PDE4B: variants seen among roughly 807,000 people sequenced by gnomAD.
PDE4B encodes 3',5'-cyclic-AMP phosphodiesterase 4B.
A neutral mutation model predicts 82.2 loss-of-function variants in PDE4B; 20 were observed. The ratio of observed to expected loss-of-function variants is 0.24; its 90% CI spans 0.17 to 0.35. The LOEUF (loss-of-function observed/expected upper bound fraction) is 0.35. Ranked by LOEUF, PDE4B falls within the 10% of genes least tolerant of loss-of-function variation. The pLI is 1.00. For synonymous variants in PDE4B, 320 were observed against 318.9 expected (o/e 1.00, Z -0.04); for missense variants, 655 against 907.2 (o/e 0.72, Z 3.57).
chr1:66,342,101 A>G (rs1055148514), intron 8 of PDE4B, among the ~76,000 whole-genome samples: 1 of 152,172 alleles, frequency 6.6e-6, no homozygotes, highest in African/African-American at 2.4e-5. Flanking sequence ...TTGCCATAAA[A>G]TTTGGATAAA....
chr1:66,247,981 TCA>T (rs1653459855), intron 4 of PDE4B, among the ~76,000 whole-genome samples: 1 of 152,244 alleles, frequency 6.6e-6, no homozygotes. Context: ...TTTTTATACA[TCA>T]CACTTGAAAT....
chr1:65,984,239 C>T (rs534982333), intron 3 of PDE4B, among the ~76,000 whole-genome samples: 5 of 152,262 alleles, frequency 3.3e-5, no homozygotes, highest in South Asian at 2.1e-4. Context: ...GCAGTTTAAA[C>T]GCTATATGAT....
intron 7 of PDE4B, among the ~76,000 whole-genome samples, chr1:66,277,759 A>G (rs1001485857): frequency 3.3e-5 from 5 of 152,198 alleles, no homozygotes; most frequent in Admixed American, 6.5e-5. Context: ...CATCTCATAC[A>G]TGCTCCCAGT....
intron 3 of PDE4B, among the ~76,000 whole-genome samples, chr1:66,183,265 T>C (rs1647109118): frequency 6.6e-6 from 1 of 152,200 alleles, no homozygotes; most frequent in Admixed American, 6.5e-5. Flanking sequence ...TTTGGGGATA[T>C]GTCTTTTTTA....
chr1:65,878,435 T>C (rs1029220749), intron 1 of PDE4B, among the ~76,000 whole-genome samples: 6 of 152,232 alleles, frequency 3.9e-5, no homozygotes, highest in African/African-American at 7.2e-5. Flanking sequence ...TGCACACTTA[T>C]GTTTATTGCT....
chr1:66,231,288 A>G (rs1335948130), intron 3 of PDE4B, among the ~76,000 whole-genome samples: 1 of 152,218 alleles, frequency 6.6e-6, no homozygotes, highest in Non-Finnish European at 1.5e-5. Flanking sequence ...GGCACAGAAA[A>G]CAGTAATCCA....
intron 3 of PDE4B, among the ~76,000 whole-genome samples, chr1:66,143,171 G>A (rs1025109863): frequency 6.6e-5 from 10 of 152,222 alleles, no homozygotes; most frequent in African/African-American, 2.4e-4. Flanking sequence ...CTGAACTGCA[G>A]TAAAAGTGAA....
At chr1:66,211,126 T>C (rs1650012461) in intron 3 of PDE4B, among the ~76,000 whole-genome samples, 1 of 152,196 alleles carries the variant, frequency 6.6e-6, no homozygotes, top group Non-Finnish European at 1.5e-5. Context: ...AGATAAGATG[T>C]ACCATTCATG....
rs1353083693 is a variant in PDE4B, at chr1:65,973,881, C to T, written c.281+55046C>T. ...AAGCTGGAAAGCAATGGCACGATGCCGGCTCACTGTAACGTCCACCTCCTG... is the reference window on the plus strand; with the variant it reads ...AAGCTGGAAAGCAATGGCACGATGCTGGCTCACTGTAACGTCCACCTCCTG... On this transcript the variant is annotated intron_variant, in intron 3 of 16. Coordinates refer to ENST00000341517, the MANE Select transcript of PDE4B (RefSeq NM_002600.4). 3.3e-5 allele frequency among the ~76,000 whole-genome samples: 5 copies of T among 152,218 alleles called. No homozygotes were observed. In the East Asian group the frequency reaches 7.7e-4, roughly 23 times the overall value.
chr1:66,181,754 T>A (rs1290346462), intron 3 of PDE4B, among the ~76,000 whole-genome samples: 2 of 151,986 alleles, frequency 1.3e-5, no homozygotes, highest in East Asian at 3.9e-4. Context: ...AAAGGGAAGA[T>A]GAGATTGCAG....
At position 66,250,655 on chromosome 1, in the gene PDE4B, G is replaced by C. The variant is rs17128664; in HGVS notation, c.476+3001G>C. Among the ~76,000 whole-genome samples the C allele has an allele frequency of 0.01, 1,555 of 152,268 alleles. 51 individuals carry two copies. In the East Asian group the frequency reaches 0.12, roughly 12 times the overall value. On this transcript the variant is annotated intron_variant, in intron 4 of 16. Transcript: ENST00000341517. The stretch of plus-strand genomic sequence containing the variant: ...ATGTGGCAATAGTTTGCTGGTTTCT[G>C]TTCAGTTCCTGTGTTGTAGTCATCC...
intron 3 of PDE4B, among the ~76,000 whole-genome samples, chr1:66,212,523 T>G (rs975898325): frequency 6.6e-6 from 1 of 152,190 alleles, no homozygotes; most frequent in South Asian, 2.1e-4. Context: ...ACTCCTGATC[T>G]ACACTACTCG....
rs1649400568 is a variant in PDE4B, at chr1:65,958,838, T to A, written c.281+40003T>A. Among the ~76,000 whole-genome samples, 4 of 152,330 alleles carry A rather than the reference T, an allele frequency of 2.6e-5. No individual in the cohort carries two copies. The South Asian group carries it at 8.3e-4, about 32-fold the overall frequency. ...AACCTGTTTTATCTGCAGTTGTATA[T>A]CTGCAGTAATCTGCAGTTTTGTATC... On this transcript the variant is annotated intron_variant, in intron 3 of 16. Transcript: ENST00000341517.
At chr1:66,369,999 A>C (rs565176816) in intron 16 of PDE4B, among the ~76,000 whole-genome samples, 1 of 151,982 alleles carries the variant, frequency 6.6e-6, no homozygotes, top group East Asian at 1.9e-4. Flanking sequence ...AACACACAAA[A>C]AATTGGTCGA....
chr1:65,976,357 C>G (rs547114371), intron 3 of PDE4B, among the ~76,000 whole-genome samples: 12 of 152,324 alleles, frequency 7.9e-5, no homozygotes, highest in African/African-American at 2.9e-4. Context: ...CCTGTACCCT[C>G]ATTTTATTTT....
At chr1:65,957,597 G>C (rs867851280) in intron 3 of PDE4B, among the ~76,000 whole-genome samples, 2 of 152,076 alleles carry the variant, frequency 1.3e-5, no homozygotes, top group Middle Eastern at 3.4e-3. Flanking sequence ...AACTTTCATT[G>C]TAATTGTATT....
At chr1:66,139,809 G>C in intron 3 of PDE4B, among the ~76,000 whole-genome samples, 1 of 151,592 alleles carries the variant, frequency 6.6e-6, no homozygotes, top group East Asian at 1.9e-4. Context: ...ACCAGAGCCA[G>C]GTATCTGCTG....
Position 66,131,592 on chromosome 1 carries a change from GATATATATATATATAT to G in PDE4B, c.282-115837_282-115822del, listed in dbSNP as rs71058452. ...TATTTTCAATATTTTCTGAATGCCA[GATATATATATATATAT>G]ATATATATATATATATATATATATA... On this transcript the variant is annotated intron_variant, in intron 3 of 16. Coordinates refer to ENST00000341517, the MANE Select transcript of PDE4B (RefSeq NM_002600.4). 6.3e-3 allele frequency among the ~76,000 whole-genome samples: 207 copies of G among 32,858 alleles called. 5 individuals carry two copies. The highest frequency in any genetic ancestry group is 0.024 in the East Asian group (15 of 628). 21.6% of individuals were successfully genotyped at this position (32,858 alleles called of 152,430 possible).
chr1:66,185,109 C>G (rs571848180), intron 3 of PDE4B, among the ~76,000 whole-genome samples: 1 of 151,954 alleles, frequency 6.6e-6, no homozygotes, highest in African/African-American at 2.4e-5. Flanking sequence ...TTTGTCCTTG[C>G]GATAGTTTGC....
Sources: gnomAD v4.1 joint callset for allele counts (sites outside exome capture counted in the v4.1 genomes callset) on GRCh38, gnomAD v4.1.1 for gene constraint, MANE v1.5 for transcripts, NCBI Gene and HGNC (gene_info 2026-07-23, HGNC 2026-07-21) for gene names.